YWHAQ: variants seen among roughly 807,000 people sequenced by gnomAD.
YWHAQ encodes the protein 14-3-3 protein theta.
Under a neutral mutation model 28.3 loss-of-function variants are expected in YWHAQ, and 6 were observed. The ratio of observed to expected loss-of-function variants is 0.21; its 90% CI spans 0.12 to 0.42. The LOEUF (loss-of-function observed/expected upper bound fraction) is 0.42, where lower values mean the gene tolerates loss of function less well. Among genes scored for constraint, YWHAQ ranks in the 10% least tolerant of loss-of-function variants. The probability of loss-of-function intolerance (pLI) is 1.00; values close to 1 mark genes in which losing one functional copy is unlikely to be tolerated. For missense variants in YWHAQ, 201 were observed against 305.6 expected (o/e 0.66, Z 2.55); for synonymous variants, 143 against 119.1 (o/e 1.20, Z -1.31).
intron 2 of YWHAQ, among the ~76,000 whole-genome samples, chr2:9,609,733 G>A (rs1666907552): frequency 6.6e-6 from 1 of 152,204 alleles, no homozygotes; most frequent in Admixed American, 6.5e-5. Flanking sequence ...AATCAAGTAA[G>A]TATCTTCAAA....
At chr2:9,592,994 C>A (rs904338864) in intron 2 of YWHAQ, among the ~76,000 whole-genome samples, 1 of 152,046 alleles carries the variant, frequency 6.6e-6, no homozygotes, top group Admixed American at 6.6e-5. Context: ...GAGAGAAGAT[C>A]CTTTTTACAT....
At chr2:9,624,995 C>T (rs979709924) in intron 2 of YWHAQ, among the ~76,000 whole-genome samples, 12 of 151,952 alleles carry the variant, frequency 7.9e-5, no homozygotes. Context: ...CCACCTGCCT[C>T]GGCCTCCCAA....
chr2:9,619,588 T>G (rs747475947), intron 2 of YWHAQ, among the ~76,000 whole-genome samples: 2 of 151,914 alleles, frequency 1.3e-5, no homozygotes. Flanking sequence ...GAGTTACATG[T>G]AAAAAAATTA....
intron 2 of YWHAQ, among the ~76,000 whole-genome samples, chr2:9,599,440 G>T (rs925761229): frequency 6.6e-6 from 1 of 152,150 alleles, no homozygotes; most frequent in African/African-American, 2.4e-5. Context: ...TTCATAGGAG[G>T]TCAGTATCTG....
At chr2:9,627,875 C>T (rs1008122397) in intron 2 of YWHAQ, among the ~76,000 whole-genome samples, 6 of 152,134 alleles carry the variant, frequency 3.9e-5, no homozygotes, top group South Asian at 2.1e-4. Flanking sequence ...CTGACACCTC[C>T]GCCAGCCTCT....
intron 2 of YWHAQ, among the ~76,000 whole-genome samples, chr2:9,596,287 T>C (rs1666568638): frequency 1.3e-5 from 2 of 151,742 alleles, no homozygotes; most frequent in South Asian, 4.2e-4. Context: ...AAGAGTTAAC[T>C]ATTGTATAAA....
chr2:9,617,390 T>C (rs1667059387), intron 2 of YWHAQ, among the ~76,000 whole-genome samples: 1 of 152,172 alleles, frequency 6.6e-6, no homozygotes, highest in African/African-American at 2.4e-5. Flanking sequence ...ACAACTATTC[T>C]ATAATTCCAC....
intron 2 of YWHAQ, among the ~76,000 whole-genome samples, chr2:9,597,179 T>TA (rs1666589154): frequency 6.6e-6 from 1 of 152,204 alleles, no homozygotes; most frequent in Admixed American, 6.5e-5. Flanking sequence ...CTATACCTGT[T>TA]AGAATTAAAT....
At chr2:9,598,932 A>C (rs1666631889) in intron 2 of YWHAQ, among the ~76,000 whole-genome samples, 2 of 152,256 alleles carry the variant, frequency 1.3e-5, no homozygotes, top group South Asian at 4.1e-4. Flanking sequence ...GCATGTCGAA[A>C]GCCAAGACAA....
rs1666314665 is a variant in YWHAQ, at chr2:9,585,010, T to A, written c.*276A>T. ...TCAGATTACTTAAATACCAGATACATTTTTAGTCCTCTACATAAGTGTTTG... is the reference window on the plus strand; with the variant it reads ...TCAGATTACTTAAATACCAGATACAATTTTAGTCCTCTACATAAGTGTTTG... On this transcript the variant is annotated 3_prime_UTR_variant, in exon 6 of 6. Transcript: ENST00000238081. 1 of 379,184 alleles carries A rather than the reference T, an allele frequency of 2.6e-6. No homozygotes were observed. The highest frequency in any genetic ancestry group is 2.1e-5 in the African/African-American group (1 of 48,408). The allele number at this position is 379,184 out of a possible 1,614,324, so 23.5% of individuals were successfully genotyped here.
intron 2 of YWHAQ, among the ~76,000 whole-genome samples, chr2:9,593,236 CTTTTT>C (rs34085406): frequency 7.4e-4 from 85 of 114,936 alleles, no homozygotes; most frequent in Admixed American, 1.9e-3. Flanking sequence ...GCATCCATGT[CTTTTT>C]TTTTTTTTTT....
intron 2 of YWHAQ, chr2:9,615,342 CCTTT>C (rs1448163377): frequency 6.6e-6 from 1 of 151,896 alleles, no homozygotes; most frequent in Non-Finnish European, 1.5e-5. Context: ...TACTCTTCCC[CCTTT>C]CTCACTACTG....
At chr2:9,589,338 C>T (rs761584558) in intron 3 of YWHAQ, among the ~76,000 whole-genome samples, 2 of 151,958 alleles carry the variant, frequency 1.3e-5, no homozygotes, top group Non-Finnish European at 2.9e-5. Flanking sequence ...AATCCTAACA[C>T]TTTGGGAGGC....
In YWHAQ at chr2:9,592,662, T is replaced by C. The variant is rs537535268; in HGVS notation, c.295-1147A>G. On this transcript the variant is annotated intron_variant, in intron 2 of 5. Transcript: ENST00000238081. ...ATTGCTTGAACCTGGGAGGTGGAGG[T>C]TGCAGTGAGCCGAGATCATGCTACT... is the stretch of plus-strand genomic sequence containing the variant. Among the ~76,000 whole-genome samples, 7 of 152,100 alleles carry C rather than the reference T, an allele frequency of 4.6e-5. No individual in the cohort carries two copies. The East Asian group carries it at 1.2e-3, about 25-fold the overall frequency.
chr2:9,610,583 A>G (rs1382728652), intron 2 of YWHAQ, among the ~76,000 whole-genome samples: 1 of 152,110 alleles, frequency 6.6e-6, no homozygotes, highest in East Asian at 1.9e-4. Flanking sequence ...ATCTCGGCTC[A>G]CTGCAACCTC....
At chr2:9,616,242 C>T (rs796303998) in intron 2 of YWHAQ, among the ~76,000 whole-genome samples, 8 of 152,160 alleles carry the variant, frequency 5.3e-5, no homozygotes, top group African/African-American at 1.9e-4. Context: ...CAAATGGTGC[C>T]AGGGCAATTG....
intron 2 of YWHAQ, among the ~76,000 whole-genome samples, chr2:9,606,262 AC>A (rs1175697773): frequency 6.6e-6 from 1 of 152,164 alleles, no homozygotes; most frequent in Admixed American, 6.5e-5. Flanking sequence ...CCAGTGTGTA[AC>A]AAACTTTAAA....
chr2:9,585,824 G>T (rs887329512), intron 5 of YWHAQ, among the ~76,000 whole-genome samples: 50 of 151,412 alleles, frequency 3.3e-4, no homozygotes, highest in African/African-American at 1.2e-3. Context: ...GAGGCAGGAG[G>T]ACTGCTTGAA....
intron 2 of YWHAQ, among the ~76,000 whole-genome samples, chr2:9,602,882 T>A (rs866635640): frequency 3.6e-5 from 3 of 83,912 alleles, no homozygotes; most frequent in African/African-American, 9.3e-5. Flanking sequence ...TATATATATA[T>A]ATATATATAT....
Sources: gnomAD v4.1 joint callset for allele counts (sites outside exome capture counted in the v4.1 genomes callset) on GRCh38, gnomAD v4.1.1 for gene constraint, MANE v1.5 for transcripts, NCBI Gene and HGNC (gene_info 2026-07-23, HGNC 2026-07-21) for gene names.